The following HMCN2 variants were observed in gnomAD, a reference collection of about 807,000 sequenced individuals.
HMCN2 encodes hemicentin-2.
Under a neutral mutation model 377.5 loss-of-function variants are expected in HMCN2, and 325 were observed. The ratio of observed to expected loss-of-function variants is 0.86; its 90% CI spans 0.79 to 0.94. The LOEUF (loss-of-function observed/expected upper bound fraction) is 0.94. Among genes scored for constraint, HMCN2 ranks in the 40% least tolerant of loss-of-function variants. HMCN2 has a pLI of 0.00. For synonymous variants in HMCN2, 2,007 were observed against 2,046.8 expected, an observed-to-expected ratio of 0.98 and a Z score of 0.53; for missense variants, 4,543 against 4,725.3, an observed-to-expected ratio of 0.96 and a Z score of 1.13.
chr9:130,339,976 C>T (rs908670606), intron 23 of HMCN2, among the ~76,000 whole-genome samples: 2,253 of 152,340 alleles, frequency 0.015, 21 homozygotes, highest in Middle Eastern at 0.027. Flanking sequence ...AGTTTGGCCC[C>T]GCAGGGGCCT....
chr9:130,375,356 G>A (rs879848986), intron 49 of HMCN2, among the ~76,000 whole-genome samples: 5 of 152,182 alleles, frequency 3.3e-5, no homozygotes, highest in South Asian at 2.1e-4. Flanking sequence ...ATTGCTTAGC[G>A]TTTGGAGAGC....
chr9:130,348,558 C>A lies in HMCN2; in HGVS notation c.4038C>A (p.Ile1346=), dbSNP rs1316974961. 7.7e-7 allele frequency: 1 copy of A among 1,304,132 alleles called. No homozygotes were observed. Among genetic ancestry groups the A allele is most frequent in the Admixed American group, 2.3e-5 (1 of 43,574 alleles). 80.8% of individuals were successfully genotyped at this position (1,304,132 alleles called of 1,614,324 possible). A position where few individuals can be genotyped will look rare whatever the true frequency, so the allele number is the denominator to read the frequency against. ...CTTGCCCCCAAGTGCCCCCCAGCAT[C>A]CGGGAGGACGGGCGCAAGGCCAACG... ...AKLVVYVPPS[I]REDGRKANVS... is the part of the protein sequence containing the mutation. Residue 1346 remains isoleucine (I), a synonymous_variant, in exon 27 of 98, where the codon ATC becomes ATA. Coordinates refer to ENST00000683500, the MANE Select transcript of HMCN2 (RefSeq NM_001291815.2).
In HMCN2 at chr9:130,294,987, A is replaced by C. The variant is rs1382133705; in HGVS notation, c.745A>C (p.Ser249Arg). 1 of 470,746 alleles carries C rather than the reference A, an allele frequency of 2.1e-6. No individual in the cohort carries two copies. The highest frequency in any genetic ancestry group is 4.4e-6 in the Non-Finnish European group (1 of 226,922). 29.2% of individuals were successfully genotyped at this position (470,746 alleles called of 1,614,324 possible). Reference protein sequence around the residue: ...PSLKEVTISLSGPGPEIEVQD... With the variant: ...PSLKEVTISLRGPGPEIEVQD... The stretch of plus-strand genomic sequence containing the variant: ...CCTGAAGGAGGTCACCATCTCATTG[A>C]GTGGGCCAGGGCCTGAGATTGAAGT... The change falls in exon 5 of 98, where the codon AGT becomes CGT. Residue 249 changes from serine to arginine, a missense_variant. By Grantham distance (110) the Ser-to-Arg change is moderately radical. Coordinates refer to ENST00000683500, the MANE Select transcript of HMCN2 (RefSeq NM_001291815.2).
At chr9:130,424,167 A>AT (rs1404374578) in intron 87 of HMCN2, among the ~76,000 whole-genome samples, 164 of 97,152 alleles carry the variant, frequency 1.7e-3, no homozygotes, top group African/African-American at 6.6e-3. Context: ...ATATATATAT[A>AT]TATTTTTTTT....
intron 53 of HMCN2, among the ~76,000 whole-genome samples, chr9:130,378,501 GGAGGCTGGGAAA>G (rs1291879634): frequency 6.4e-5 from 3 of 46,558 alleles, no homozygotes; most frequent in Non-Finnish European, 1.2e-4. Flanking sequence ...GCTGGGATGG[GGAGGCTGGGAAA>G]GAGGCTGGGA....
chr9:130,405,323 C>T (rs1024917563), intron 81 of HMCN2, among the ~76,000 whole-genome samples: 8 of 152,254 alleles, frequency 5.3e-5, no homozygotes, highest in African/African-American at 1.2e-4. Context: ...CTCAGGGATA[C>T]GGTGATGACT....
At chr9:130,400,119 A>G (rs1842792561) in intron 76 of HMCN2, 2 of 152,448 alleles carry the variant, frequency 1.3e-5, no homozygotes, top group Admixed American at 6.5e-5. Flanking sequence ...CCCCTCACTC[A>G]GCAAACACCT....
At position 130,394,305 on chromosome 9, in the gene HMCN2, A is replaced by T; in HGVS notation, c.10502-80A>T. The T allele has an allele frequency of 1.1e-6, 1 of 920,792 alleles. No homozygotes were observed. Among genetic ancestry groups the T allele is most frequent in the Non-Finnish European group, 1.5e-6 (1 of 668,786 alleles). The allele number at this position is 920,792 out of a possible 1,614,324, so 57.0% of individuals were successfully genotyped here. ...CAAAATGTGGGAGCAGAGCCCCTGG[A>T]CTCAGCACAGTGTTTTCAAGTGCGG... On this transcript the variant is annotated intron_variant, in intron 68 of 97. Coordinates refer to ENST00000683500, the MANE Select transcript of HMCN2 (RefSeq NM_001291815.2). This position sits in a 1 kb window ranked among gnomAD's most constrained non-coding sequence, Gnocchi z 5.1.
At chr9:130,329,698 C>T (rs1338276075) in intron 22 of HMCN2, among the ~76,000 whole-genome samples, 1 of 152,208 alleles carries the variant, frequency 6.6e-6, no homozygotes, top group Non-Finnish European at 1.5e-5. Flanking sequence ...CCGCCTCGGT[C>T]TCCCAAAGTG....
chr9:130,382,814 C>G lies in HMCN2; in HGVS notation c.8681C>G (p.Pro2894Arg). The G allele has an allele frequency of 4.1e-6, 4 of 985,944 alleles. No homozygotes were observed. The highest frequency in any genetic ancestry group is 4.8e-6 in the Non-Finnish European group (4 of 829,972). 61.1% of individuals were successfully genotyped at this position (985,944 alleles called of 1,614,324 possible). Residue 2894 changes from proline to arginine, a missense_variant, in exon 56 of 98, where the codon CCT (proline) becomes CGT (arginine). Pro to Arg is a moderately radical substitution (Grantham distance 103). Transcript: ENST00000683500. The part of the protein sequence containing the change: ...PTISWLQNGL[P>R]FSPSPRLQVL... ...ATCTCATGGCTCCAGAATGGGCTGC[C>G]TTTCTCCCCGAGCCCACGGCTGCAG...
chr9:130,416,235 G>C (rs1460382816), intron 85 of HMCN2, among the ~76,000 whole-genome samples: 1 of 151,152 alleles, frequency 6.6e-6, no homozygotes, highest in East Asian at 2.0e-4. Flanking sequence ...CTCCCAAATA[G>C]CTGGGATTAC....
At chr9:130,325,132 G>A (rs1838067294) in intron 19 of HMCN2, among the ~76,000 whole-genome samples, 1 of 124,126 alleles carries the variant, frequency 8.1e-6, no homozygotes, top group Non-Finnish European at 1.6e-5. Context: ...GTCTCACTAT[G>A]TCTCCCAGGC....
intron 18 of HMCN2, 76 bp from the exon 19 acceptor site, chr9:130,321,711 A>G (rs1469856668): frequency 2.0e-5 from 3 of 152,168 alleles, no homozygotes; most frequent in African/African-American, 4.8e-5. Context: ...TGAGCAGCAT[A>G]GTTTCCCGAG....
rs1396052864 is a variant in HMCN2 at position 130,393,964 on chromosome 9, G to A, written c.10457G>A (p.Ser3486Asn). Residue 3486 changes from serine to asparagine, a missense_variant, in exon 68 of 98, where the codon AGC (serine) becomes AAC (asparagine). Ser to Asn is a conservative substitution (Grantham distance 46). Transcript: ENST00000683500. This position sits in a 1 kb window ranked among gnomAD's most constrained non-coding sequence, Gnocchi z 5.2. ...GGGACCTACTCCTGTGTGGCCGTGA[G>A]CGAGGCGGGGGAAGCCAGGAGGCAT... ...DSGTYSCVAV[S>N]EAGEARRHFQ... is the part of the protein sequence containing the mutation. 7.8e-7 allele frequency: 1 copy of A among 1,284,306 alleles called. No individual in the cohort carries two copies. The highest frequency in any genetic ancestry group is 1.5e-5 in the African/African-American group (1 of 65,648). The allele number at this position is 1,284,306 out of a possible 1,614,324, so 79.6% of individuals were successfully genotyped here. A position where few individuals can be genotyped will look rare whatever the true frequency, so the allele number is the denominator to read the frequency against.
rs534437535 is a variant in HMCN2 at position 130,427,559 on chromosome 9, C to A, written c.14005C>A (p.Arg4669Ser). Residue 4669 changes from arginine to serine, a missense_variant, in exon 92 of 98, where the codon CGC becomes AGC. Transcript: ENST00000683500. ...CSHACLNAPG[R>S]FSCTCPTGFA... ...CCATGCCTGCCTTAATGCACCCGGC[C>A]GCTTCTCCTGCACCTGCCCCACTGG... is the stretch of plus-strand genomic sequence containing the variant. 8.5e-5 allele frequency: 132 copies of A among 1,550,524 alleles called. No individual in the cohort carries two copies. The highest frequency in any genetic ancestry group is 4.3e-4 in the Admixed American group (22 of 51,012).
chr9:130,357,874 A>G lies in HMCN2; in HGVS notation c.5466A>G (p.Thr1822=), dbSNP rs749947699. The change falls in exon 35 of 98, where the codon ACA becomes ACG. Residue 1822 remains threonine (T), a synonymous_variant. Transcript: ENST00000683500. ...GTATCATTGGGGGTGAGAACATCAC[A>G]GCTCCTTTCCTGCAGCCTGTGACCC... The part of the protein sequence containing the change: ...SVSIIGGENI[T]APFLQPVTLQ... 6.9e-6 allele frequency: 9 copies of G among 1,304,016 alleles called. No individual in the cohort carries two copies. In the South Asian group the frequency reaches 1.1e-4, roughly 16 times the overall value. The allele number at this position is 1,304,016 out of a possible 1,614,324, so 80.8% of individuals were successfully genotyped here. A position where few individuals can be genotyped will look rare whatever the true frequency, so the allele number is the denominator to read the frequency against.
Position 130,304,067 on chromosome 9 carries a change from C to T in HMCN2, c.1543+459C>T, listed in dbSNP as rs1836697927. Among the ~76,000 whole-genome samples, 3 of 152,276 alleles carry T rather than the reference C, an allele frequency of 2.0e-5. No individual in the cohort carries two copies. Among genetic ancestry groups the T allele is most frequent in the African/African-American group, 4.8e-5 (2 of 41,560 alleles). Reference sequence around the variant, plus strand: ...GTAGAGAAAAAAAGGAACCCGTAAGCGTGGAAAGATCAGCCACTCTACATA... The same window carrying T: ...GTAGAGAAAAAAAGGAACCCGTAAGTGTGGAAAGATCAGCCACTCTACATA... On this transcript the variant is annotated intron_variant, in intron 10 of 97. Coordinates refer to ENST00000683500, the MANE Select transcript of HMCN2 (RefSeq NM_001291815.2). This position sits in a 1 kb window ranked among gnomAD's most constrained non-coding sequence, Gnocchi z 4.3.
At chr9:130,375,367 C>T (rs189329240) in intron 49 of HMCN2, among the ~76,000 whole-genome samples, 196 bp from the exon 50 acceptor site, 48 of 152,308 alleles carry the variant, frequency 3.2e-4, no homozygotes, top group Admixed American at 1.9e-3. Context: ...TTTGGAGAGC[C>T]GGGCTCTGGG....
At position 130,425,861 on chromosome 9, in the gene HMCN2, A is replaced by G. The variant is rs1844316789; in HGVS notation, c.13816A>G (p.Ser4606Gly). 1.3e-6 allele frequency: 2 copies of G among 1,550,262 alleles called. No individual in the cohort carries two copies. Among genetic ancestry groups the G allele is most frequent in the African/African-American group, 1.4e-5 (1 of 73,036 alleles). ...LVQHLRASAI[S>G]SAFDPEAEAL... ...GCAGCACCTGCGGGCCTCAGCTATCAGCTCGGCCTTTGATCCAGAGGCCGA... is the reference window on the plus strand; with the variant it reads ...GCAGCACCTGCGGGCCTCAGCTATCGGCTCGGCCTTTGATCCAGAGGCCGA... The change falls in exon 90 of 98, where the codon AGC becomes GGC. Residue 4606 changes from serine to glycine, a missense_variant. Around this residue, in one of 5 missense-constraint regions of HMCN2, gnomAD observed 1,155 missense variants for 1,157.7 expected, o/e 1.00. Coordinates refer to ENST00000683500, the MANE Select transcript of HMCN2 (RefSeq NM_001291815.2).
Sources: gnomAD v4.1 joint callset for allele counts (sites outside exome capture counted in the v4.1 genomes callset) on GRCh38, gnomAD v4.1.1 for gene constraint, gnomAD v4.1.1 regional missense constraint, Gnocchi (gnomAD v3.1) non-coding constraint, MANE v1.5 for transcripts, NCBI Gene and HGNC (gene_info 2026-07-23, HGNC 2026-07-21) for gene names.